The following AKR1C4 variants were observed in gnomAD, a reference collection of about 807,000 sequenced individuals.
AKR1C4 encodes the protein aldo-keto reductase family 1 member C4.
AKR1C4 carries 44 observed loss-of-function variants against 41.0 expected under a neutral mutation model. The ratio of observed to expected loss-of-function variants is 1.07; its 90% CI spans 0.84 to 1.38. The LOEUF is 1.38. AKR1C4 is among the 40% of genes most tolerant of loss of function. AKR1C4 has a pLI of 0.00. For missense variants in AKR1C4, 438 were observed against 387.9 expected, an observed-to-expected ratio of 1.13 and a Z score of -1.09; for synonymous variants, 165 against 137.7, an observed-to-expected ratio of 1.20 and a Z score of -1.39.
At chr10:5,210,523 A>C (rs548821868) in intron 5 of AKR1C4, among the ~76,000 whole-genome samples, 42 of 152,278 alleles carry the variant, frequency 2.8e-4, no homozygotes, top group African/African-American at 1.0e-3. Context: ...GTGCATGCCT[A>C]GTGGTAAACT....
chr10:5,205,886 C>T, intron 4 of AKR1C4, 52 bp downstream of exon 4: 1 of 1,530,120 alleles, frequency 6.5e-7, no homozygotes, highest in East Asian at 2.3e-5. Context: ...AGAGGTAAAC[C>T]TGTTCCCCAG....
chr10:5,204,443 C>T lies in AKR1C4; in HGVS notation c.319C>T (p.Gln107Ter). ...PALESSLKKL[Q>*]LDYVDLYLLH... ...CTTGGAAAGCTCACTGAAAAAACTT[C>T]AACTGGACTATGTTGACCTCTATCT... The change falls in exon 3 of 9, where the codon CAA becomes TAA. Residue 107 changes from glutamine (Q) to a stop codon, truncating the protein, a stop_gained. Transcript: ENST00000263126. LOFTEE classifies it high-confidence loss of function. The T allele has an allele frequency of 1.2e-6, 2 of 1,614,012 alleles. No homozygotes were observed. Among genetic ancestry groups the T allele is most frequent in the Non-Finnish European group, 1.7e-6 (2 of 1,179,916 alleles).
chr10:5,200,538 T>A (rs547295229), intron 2 of AKR1C4, among the ~76,000 whole-genome samples, 190 bp downstream of exon 2: 1 of 152,354 alleles, frequency 6.6e-6, no homozygotes, highest in Non-Finnish European at 1.5e-5. Flanking sequence ...ATTGTTGTGT[T>A]CAAATTTACT....
Position 5,212,620 on chromosome 10 carries a change from A to C in AKR1C4, c.575A>C (p.Glu192Ala), listed in dbSNP as rs117650600. The C allele has an allele frequency of 4.1e-5, 66 of 1,611,552 alleles. No homozygotes were observed. Among genetic ancestry groups the C allele is most frequent in the Non-Finnish European group, 5.4e-5 (64 of 1,179,182 alleles). Residue 192 changes from glutamate to alanine, a missense_variant, in exon 6 of 9, where the codon GAA (glutamate) becomes GCA (alanine). By Grantham distance (107) the Glu-to-Ala change is moderately radical. Transcript: ENST00000263126. ...LKYKPVCNQVECHPYLNQSKL... is the reference protein window; with the variant it reads ...LKYKPVCNQVACHPYLNQSKL... Reference sequence around the variant, plus strand: ...TTCTCTCTTGATCATCTAAAGGTAGAATGTCATCCTTACCTCAACCAGAGC... The same window carrying C: ...TTCTCTCTTGATCATCTAAAGGTAGCATGTCATCCTTACCTCAACCAGAGC...
In AKR1C4 at chr10:5,196,915, GC is replaced by G; in HGVS notation, c.51del (p.Val18TyrfsTer18). ...TAGAGCTAAATGATGGTCACTTCAT[GC>G]CCGTATTGGGATTTGGCACCTATGC... ...RVELNDGHFM[P>X]VLGFGTYAPP... On this transcript the variant is annotated frameshift_variant, in exon 1 of 9. Coordinates refer to ENST00000263126, the MANE Select transcript of AKR1C4 (RefSeq NM_001818.5). LOFTEE classifies it high-confidence loss of function. The G allele has an allele frequency of 6.2e-7, 1 of 1,613,816 alleles. No individual in the cohort carries two copies. Among genetic ancestry groups the G allele is most frequent in the South Asian group, 1.1e-5 (1 of 91,048 alleles).
At chr10:5,198,494 G>A (rs1832347252) in intron 1 of AKR1C4, among the ~76,000 whole-genome samples, 1 of 152,110 alleles carries the variant, frequency 6.6e-6, no homozygotes, top group Non-Finnish European at 1.5e-5. Context: ...TACAGACTGG[G>A]TCAATTTAAC....
At chr10:5,204,721 G>A in intron 3 of AKR1C4, 2 of 655,106 alleles carry the variant, frequency 3.1e-6, no homozygotes, top group South Asian at 1.5e-5. Context: ...AAAAATTCAA[G>A]AAAATAACAA....
chr10:5,217,906 A>T lies in AKR1C4; in HGVS notation c.930-812A>T, dbSNP rs141523513. 8.2e-3 allele frequency among the ~76,000 whole-genome samples: 1,246 copies of T among 152,352 alleles called. 15 individuals carry two copies. The highest frequency in any genetic ancestry group is 0.028 in the African/African-American group (1,150 of 41,586). On this transcript the variant is annotated intron_variant, in intron 8 of 8. Coordinates refer to ENST00000263126, the MANE Select transcript of AKR1C4 (RefSeq NM_001818.5). ...TCATGTGATGAGGGCAAAACAAGTT[A>T]TGTCACTGCCTGCAGTGGAGATGTT...
At chr10:5,205,492 C>T (rs760863559) in intron 3 of AKR1C4, among the ~76,000 whole-genome samples, 140 of 152,130 alleles carry the variant, frequency 9.2e-4, no homozygotes, top group Non-Finnish European at 1.0e-3. Flanking sequence ...TAGGATCAGA[C>T]AAAAGTAACA....
intron 5 of AKR1C4, among the ~76,000 whole-genome samples, chr10:5,210,277 C>A (rs1242001494): frequency 6.6e-6 from 1 of 152,196 alleles, no homozygotes; most frequent in African/African-American, 2.4e-5. Context: ...TGTTCTTGGG[C>A]AGCTCCACCA....
intron 3 of AKR1C4, 100 bp downstream of exon 3, chr10:5,204,593 A>T: frequency 1.1e-6 from 1 of 943,790 alleles, no homozygotes; most frequent in Non-Finnish European, 1.8e-6. Flanking sequence ...AGGTGTTATT[A>T]CATGGCAGAA....
chr10:5,213,678 C>T (rs970244168), intron 7 of AKR1C4, among the ~76,000 whole-genome samples: 7 of 152,106 alleles, frequency 4.6e-5, no homozygotes, highest in Admixed American at 2.0e-4. Context: ...TAATACAAAA[C>T]CATTTATTTA....
intron 7 of AKR1C4, 131 bp downstream of exon 7, chr10:5,213,290 C>G: frequency 7.1e-7 from 1 of 1,407,308 alleles, no homozygotes; most frequent in Non-Finnish European, 9.5e-7. Flanking sequence ...GCTTTGTGTG[C>G]ATAAGTGTTT....
Position 5,205,750 on chromosome 10 carries a change from A to G in AKR1C4, c.370-7A>G. ...TGGTGACACTAAAGTGACTGCTTCT[A>G]CTTCAGCCAGGTGAGACGCCACTAC... On this transcript the variant is annotated splice_polypyrimidine_tract_variant and splice_region_variant and intron_variant, in intron 3 of 8. Coordinates refer to ENST00000263126, the MANE Select transcript of AKR1C4 (RefSeq NM_001818.5). The G allele has an allele frequency of 1.9e-6, 3 of 1,612,560 alleles. No individual in the cohort carries two copies. The highest frequency in any genetic ancestry group is 2.5e-6 in the Non-Finnish European group (3 of 1,179,034).
In AKR1C4 at chr10:5,198,054, A is replaced by T. The variant is rs189503993; in HGVS notation, c.84+1103A>T. Among the ~76,000 whole-genome samples, 6 of 152,358 alleles carry T rather than the reference A, an allele frequency of 3.9e-5. No individual in the cohort carries two copies. In the East Asian group the frequency reaches 1.2e-3, roughly 29 times the overall value. On this transcript the variant is annotated intron_variant, in intron 1 of 8. Transcript: ENST00000263126. ...TTTACGGTTTTGTCATTTAAAAAAT[A>T]TACCTTTCAAATCTTTATCCAAATT...
chr10:5,204,637 G>C (rs1345694339), intron 3 of AKR1C4, 144 bp downstream of exon 3: 2 of 778,074 alleles, frequency 2.6e-6, no homozygotes, highest in Admixed American at 3.4e-5. Context: ...CCATTTTCTT[G>C]AAGAGTACAA....
intron 4 of AKR1C4, 131 bp downstream of exon 4, chr10:5,205,965 T>C: frequency 9.7e-7 from 1 of 1,034,696 alleles, no homozygotes. Context: ...AAGGAAGTTT[T>C]GCTGAGTGGT....
At chr10:5,201,263 A>G (rs1554796906) in intron 2 of AKR1C4, among the ~76,000 whole-genome samples, 2 of 152,126 alleles carry the variant, frequency 1.3e-5, no homozygotes, top group African/African-American at 2.4e-5. Context: ...CATTCATGCC[A>G]ACTTCTACTG....
intron 5 of AKR1C4, among the ~76,000 whole-genome samples, chr10:5,211,776 T>A (rs961377309): frequency 1.3e-5 from 2 of 152,004 alleles, no homozygotes; most frequent in African/African-American, 4.8e-5. Context: ...AAAGACATAC[T>A]CAAGAGTGGG....
Sources: allele counts gnomAD v4.1 joint callset (sites outside exome capture counted in the v4.1 genomes callset), GRCh38; gene constraint gnomAD v4.1.1; transcripts MANE v1.5; gene names NCBI Gene and HGNC (gene_info 2026-07-23, HGNC 2026-07-21).